ARHGAP24: variants seen among roughly 807,000 people sequenced by gnomAD.
ARHGAP24 encodes the protein Rho GTPase activating protein 24.
A neutral mutation model predicts 76.4 loss-of-function variants in ARHGAP24; 50 were observed. The ratio of observed to expected loss-of-function variants is 0.65; its 90% confidence interval spans 0.52 to 0.83. ARHGAP24 has a LOEUF of 0.83. Ranked by LOEUF, ARHGAP24 falls within the 40% of genes least tolerant of loss-of-function variation. The pLI is 0.00. For missense variants in ARHGAP24, 930 were observed against 914.2 expected (o/e 1.02, Z -0.22); for synonymous variants, 345 against 323.3 (o/e 1.07, Z -0.72).
intron 5 of ARHGAP24, among the ~76,000 whole-genome samples, chr4:85,959,273 G>A (rs896449362): frequency 1.3e-5 from 2 of 152,184 alleles, no homozygotes; most frequent in Non-Finnish European, 2.9e-5. Context: ...CAGTGAGGAT[G>A]ACCAGAGGTC....
At chr4:85,951,248 T>C (rs1472219413) in intron 5 of ARHGAP24, among the ~76,000 whole-genome samples, 8 of 152,084 alleles carry the variant, frequency 5.3e-5, no homozygotes, top group African/African-American at 1.9e-4. Context: ...AAAATGTAAT[T>C]GTGAGATACA....
intron 1 of ARHGAP24, among the ~76,000 whole-genome samples, chr4:85,513,422 CT>C (rs1304787128): frequency 1.3e-5 from 2 of 152,146 alleles, no homozygotes; most frequent in African/African-American, 4.8e-5. Context: ...ACTCCATTAC[CT>C]GATTGTTAAC....
chr4:85,992,057 C>T (rs1044064574), intron 8 of ARHGAP24: 4 of 396,668 alleles, frequency 1.0e-5, no homozygotes, highest in Non-Finnish European at 1.8e-5. Context: ...ATTGCTGGAT[C>T]GTGTAGCACA....
chr4:85,941,312 T>C (rs1291882320), intron 4 of ARHGAP24, among the ~76,000 whole-genome samples: 1 of 152,204 alleles, frequency 6.6e-6, no homozygotes, highest in Non-Finnish European at 1.5e-5. Context: ...GTAGGTGTTG[T>C]AAAATCATTA....
chr4:85,477,026 C>T (rs570150470), intron 1 of ARHGAP24, among the ~76,000 whole-genome samples: 58 of 152,018 alleles, frequency 3.8e-4, no homozygotes, highest in Middle Eastern at 6.8e-3. Context: ...TCTTGGAGGA[C>T]GGAAATATTG....
At chr4:85,702,079 A>C (rs79308782) in intron 2 of ARHGAP24, among the ~76,000 whole-genome samples, 2,228 of 152,238 alleles carry the variant, frequency 0.015, 47 homozygotes, top group African/African-American at 0.05. Flanking sequence ...CTATCAGCCT[A>C]TGAATGTGTG....
intron 3 of ARHGAP24, among the ~76,000 whole-genome samples, chr4:85,797,167 T>TTTCTTG (rs1728384472): frequency 1.1e-5 from 1 of 91,790 alleles, no homozygotes; most frequent in East Asian, 2.3e-4. Flanking sequence ...TTTTGTTTTT[T>TTTCTTG]TTTTTGTTTT....
intron 1 of ARHGAP24, 79 bp from the exon 2 acceptor site, chr4:85,570,443 C>A (rs1382252964): frequency 7.4e-4 from 401 of 544,306 alleles, no homozygotes; most frequent in East Asian, 1.9e-3. Flanking sequence ...TTTTTTTTTT[C>A]TGGAGAAGAG....
chr4:85,784,151 C>G (rs1727695794), intron 3 of ARHGAP24, among the ~76,000 whole-genome samples: 1 of 152,144 alleles, frequency 6.6e-6, no homozygotes. Context: ...CAGTTAAATT[C>G]AACAGCTTTT....
chr4:85,871,901 A>G (rs78240757), intron 3 of ARHGAP24, among the ~76,000 whole-genome samples: 1 of 152,258 alleles, frequency 6.6e-6, no homozygotes, highest in Non-Finnish European at 1.5e-5. Context: ...GGATGACATT[A>G]ATATGCTAAG....
chr4:85,888,662 T>C (rs1030406832), intron 3 of ARHGAP24, among the ~76,000 whole-genome samples: 1 of 152,136 alleles, frequency 6.6e-6, no homozygotes, highest in Admixed American at 6.5e-5. Context: ...CATGTGCAGG[T>C]TTGTTAACAT....
At chr4:85,699,264 T>G (rs576453703) in intron 2 of ARHGAP24, among the ~76,000 whole-genome samples, 1 of 152,304 alleles carries the variant, frequency 6.6e-6, no homozygotes, top group East Asian at 1.9e-4. Context: ...TTCCTAGATA[T>G]GCAGAAGGAA....
At chr4:85,906,363 G>A (rs1413673148) in intron 3 of ARHGAP24, among the ~76,000 whole-genome samples, 1 of 152,128 alleles carries the variant, frequency 6.6e-6, no homozygotes, top group African/African-American at 2.4e-5. Context: ...ACTAGTTAGG[G>A]TTGATAATAT....
intron 1 of ARHGAP24, among the ~76,000 whole-genome samples, chr4:85,530,471 C>T (rs1363710160): frequency 6.6e-6 from 1 of 151,990 alleles, no homozygotes. Flanking sequence ...GAACACCATG[C>T]CTCAGTGCTC....
intron 3 of ARHGAP24, among the ~76,000 whole-genome samples, chr4:85,905,381 A>G (rs1734717495): frequency 1.2e-5 from 1 of 84,140 alleles, no homozygotes; most frequent in African/African-American, 5.6e-5. Flanking sequence ...CAGAAAAGAC[A>G]GTCTGTTTTT....
intron 2 of ARHGAP24, among the ~76,000 whole-genome samples, chr4:85,576,241 A>C (rs945970414): frequency 5.3e-5 from 8 of 152,116 alleles, no homozygotes; most frequent in African/African-American, 1.9e-4. Flanking sequence ...CCTGGCTAAC[A>C]CGGTGAAACC....
intron 2 of ARHGAP24, among the ~76,000 whole-genome samples, chr4:85,633,518 G>T (rs540867734): frequency 6.6e-6 from 1 of 151,788 alleles, no homozygotes; most frequent in African/African-American, 2.4e-5. Flanking sequence ...ATCACTCCTT[G>T]AACTGACCTC....
chr4:85,627,647 G>A (rs891189750), intron 2 of ARHGAP24, among the ~76,000 whole-genome samples: 2 of 152,178 alleles, frequency 1.3e-5, no homozygotes, highest in African/African-American at 2.4e-5. Context: ...CTGTCTTTTT[G>A]TCTGTGCCCT....
At chr4:85,642,756 G>C (rs927795417) in intron 2 of ARHGAP24, among the ~76,000 whole-genome samples, 2 of 152,112 alleles carry the variant, frequency 1.3e-5, no homozygotes, top group African/African-American at 4.8e-5. Context: ...CCCTGCTTCT[G>C]TTCTTGTCTC....
Sources: gnomAD v4.1 joint callset for allele counts (sites outside exome capture counted in the v4.1 genomes callset) on GRCh38, gnomAD v4.1.1 for gene constraint, MANE v1.5 for transcripts, NCBI Gene and HGNC (gene_info 2026-07-23, HGNC 2026-07-21) for gene names.